Variants in ITPR1 observed in about 807,000 individuals in gnomAD.
ITPR1 encodes inositol 1,4,5-trisphosphate receptor type 1.
A neutral mutation model predicts 318.4 loss-of-function variants in ITPR1; 96 were observed. That is an observed-to-expected ratio of 0.30 (90% confidence interval 0.26 to 0.36). The LOEUF (loss-of-function observed/expected upper bound fraction) is 0.36, where lower values mean the gene tolerates loss of function less well. Ranked by LOEUF, ITPR1 falls within the 10% of genes least tolerant of loss-of-function variation. The probability of loss-of-function intolerance (pLI) is 1.00; values close to 1 mark genes in which losing one functional copy is unlikely to be tolerated. For synonymous variants in ITPR1, 1,312 were observed against 1,289.9 expected, an observed-to-expected ratio of 1.02 and a Z score of -0.37; for missense variants, 2,440 against 3,460.2, an observed-to-expected ratio of 0.71 and a Z score of 7.40.
chr3:4,788,828 A>G lies in ITPR1; in HGVS notation c.6808+689A>G, dbSNP rs1333091046. ...TTAAAAAGGATCGTGCTTGATTTCT[A>G]TCTGTTCATCAGGAGCCAGACTTTT... On this transcript the variant is annotated intron_variant, in intron 52 of 61. Coordinates refer to ENST00000649015, the MANE Select transcript of ITPR1 (RefSeq NM_001378452.1). Among the ~76,000 whole-genome samples the G allele has an allele frequency of 4.6e-5, 7 of 152,202 alleles. 1 individual carries two copies. The South Asian group carries it at 1.2e-3, about 27-fold the overall frequency.
intron 53 of ITPR1, among the ~76,000 whole-genome samples, 199 bp downstream of exon 53, chr3:4,795,386 T>G (rs2047833875): frequency 6.6e-6 from 1 of 152,258 alleles, no homozygotes; most frequent in Non-Finnish European, 1.5e-5. Context: ...TTTATCCATT[T>G]TTTTTAACCA....
chr3:4,542,447 A>T (rs984544682), intron 4 of ITPR1, among the ~76,000 whole-genome samples: 15 of 152,302 alleles, frequency 9.8e-5, no homozygotes, highest in African/African-American at 9.6e-5. Context: ...TCTTTGCCTG[A>T]AAATTTTAAA....
At position 4,661,955 on chromosome 3, in the gene ITPR1, A is replaced by G. The variant is rs143765102; in HGVS notation, c.1252-127A>G. Reference sequence around the variant, plus strand: ...ACGTCCTTGTAGATTTTTTTCCTATATCATTTTAACTGCAAGATAGCTCTA... The same window carrying G: ...ACGTCCTTGTAGATTTTTTTCCTATGTCATTTTAACTGCAAGATAGCTCTA... On this transcript the variant is annotated intron_variant, in intron 14 of 61. Transcript: ENST00000649015. 2.8e-3 allele frequency: 2,057 copies of G among 731,416 alleles called. 29 individuals carry two copies. The African/African-American group carries it at 0.032, about 11-fold the overall frequency. 45.3% of individuals were successfully genotyped at this position (731,416 alleles called of 1,614,324 possible).
In ITPR1 at chr3:4,717,405, A is replaced by G. The variant is rs1369561959; in HGVS notation, c.5136+6A>G. 6.3e-7 allele frequency: 1 copy of G among 1,593,912 alleles called. No individual in the cohort carries two copies. The highest frequency in any genetic ancestry group is 1.3e-5 in the African/African-American group (1 of 74,482). On this transcript the variant is annotated splice_donor_region_variant and intron_variant, in intron 40 of 61. Transcript: ENST00000649015. ...ATGAATTGGATAATGCTGAGGTCCT[A>G]ATTTTGTTGTTTTTTGTTTTTCATG...
intron 4 of ITPR1, among the ~76,000 whole-genome samples, chr3:4,567,611 TG>T (rs58159798): frequency 0.033 from 4,639 of 141,648 alleles, 235 homozygotes; most frequent in African/African-American, 0.11. Flanking sequence ...TAGTTTTTTT[TG>T]GTTTCTTTTT....
chr3:4,596,056 A>T (rs778710884), intron 4 of ITPR1: 1 of 152,176 alleles, frequency 6.6e-6, no homozygotes, highest in African/African-American at 2.4e-5. Context: ...TGCTGTGAAT[A>T]CCAGCAGCGG....
intron 8 of ITPR1, 75 bp downstream of exon 8, chr3:4,644,309 G>C: frequency 2.1e-6 from 2 of 946,742 alleles, no homozygotes; most frequent in Non-Finnish European, 3.2e-6. Context: ...GTGCATGCGT[G>C]TGCTGAGAGT....
At chr3:4,536,614 A>G (rs1470612845) in intron 4 of ITPR1, among the ~76,000 whole-genome samples, 1 of 152,228 alleles carries the variant, frequency 6.6e-6, no homozygotes, top group Non-Finnish European at 1.5e-5. Context: ...AGAATGTTGA[A>G]TCCCAGATGA....
intron 21 of ITPR1, 25 bp from the exon 22 acceptor site, chr3:4,674,177 T>C (rs1485960161): frequency 1.3e-6 from 2 of 1,527,466 alleles, no homozygotes; most frequent in South Asian, 2.5e-5. Flanking sequence ...AAATTTTGTT[T>C]CCTTTCTTTC....
chr3:4,516,334 G>A (rs1407161775), intron 2 of ITPR1, 142 bp from the exon 3 acceptor site: 6 of 521,086 alleles, frequency 1.2e-5, no homozygotes, highest in South Asian at 5.9e-5. Context: ...TCATTGAATC[G>A]CCTGCCTGTC....
At position 4,658,116 on chromosome 3, in the gene ITPR1, C is replaced by T. The variant is rs761026216; in HGVS notation, c.997-8C>T. 10 of 1,602,186 alleles carry T rather than the reference C, an allele frequency of 6.2e-6. No individual in the cohort carries two copies. The South Asian group carries it at 1.0e-4, about 16-fold the overall frequency. On this transcript the variant is annotated splice_polypyrimidine_tract_variant and splice_region_variant and intron_variant, in intron 12 of 61. Coordinates refer to ENST00000649015, the MANE Select transcript of ITPR1 (RefSeq NM_001378452.1). ...ATGGTTCTTGATTTGGTGACTTTAC[C>T]TCCTCAGGTGGACCCTGATCAGGAC...
intron 4 of ITPR1, among the ~76,000 whole-genome samples, chr3:4,625,744 A>T (rs2092804969): frequency 6.6e-6 from 1 of 151,978 alleles, no homozygotes; most frequent in South Asian, 2.1e-4. Context: ...TTTTTAGTAG[A>T]GGCGGGGTTT....
intron 4 of ITPR1, among the ~76,000 whole-genome samples, chr3:4,621,811 G>C (rs946198486): frequency 6.6e-6 from 1 of 152,194 alleles, no homozygotes; most frequent in African/African-American, 2.4e-5. Context: ...CTCTGCCTGA[G>C]GGGCTTGGCC....
chr3:4,497,606 G>T (rs1199349760), intron 2 of ITPR1, among the ~76,000 whole-genome samples: 1 of 152,188 alleles, frequency 6.6e-6, no homozygotes, highest in Non-Finnish European at 1.5e-5. Flanking sequence ...TGCATTGCCG[G>T]TGGGAATGTA....
intron 4 of ITPR1, among the ~76,000 whole-genome samples, chr3:4,583,090 C>A (rs1575604307): frequency 6.6e-6 from 1 of 152,198 alleles, no homozygotes; most frequent in East Asian, 1.9e-4. Flanking sequence ...AAGAAGATTT[C>A]TAAAAAATCA....
At chr3:4,540,273 T>C (rs528342840) in intron 4 of ITPR1, among the ~76,000 whole-genome samples, 1 of 152,172 alleles carries the variant, frequency 6.6e-6, no homozygotes, top group Non-Finnish European at 1.5e-5. Context: ...TTTGACGTCT[T>C]ATAGTCTGTT....
At chr3:4,502,561 C>T (rs1287463385) in intron 2 of ITPR1, among the ~76,000 whole-genome samples, 1 of 151,930 alleles carries the variant, frequency 6.6e-6, no homozygotes, top group Non-Finnish European at 1.5e-5. Context: ...CTGCCTCAGC[C>T]TCCTGAGTAG....
intron 61 of ITPR1, among the ~76,000 whole-genome samples, chr3:4,838,348 G>T (rs1041313196): frequency 6.8e-6 from 1 of 147,106 alleles, no homozygotes; most frequent in African/African-American, 2.5e-5. Flanking sequence ...CCCGCCCCCC[G>T]CCGTGAAACA....
chr3:4,681,243 A>G (rs2094292672), intron 25 of ITPR1, 121 bp from the exon 26 acceptor site: 5 of 696,624 alleles, frequency 7.2e-6, no homozygotes, highest in African/African-American at 1.8e-5. Flanking sequence ...TTTGCAATAT[A>G]ATGTTCTGGG....
Sources: allele counts gnomAD v4.1 joint callset (sites outside exome capture counted in the v4.1 genomes callset), GRCh38; gene constraint gnomAD v4.1.1; transcripts MANE v1.5; gene names NCBI Gene and HGNC (gene_info 2026-07-23, HGNC 2026-07-21).